The following SYNPR variants were observed in gnomAD, a reference collection of about 807,000 sequenced individuals.
SYNPR encodes synaptoporin.
Under a neutral mutation model 32.9 loss-of-function variants are expected in SYNPR, and 23 were observed. The ratio of observed to expected loss-of-function variants is 0.70; its 90% confidence interval spans 0.50 to 0.99. SYNPR has a LOEUF of 0.99. SYNPR is among the 50% of genes least tolerant of loss of function. SYNPR has a pLI of 0.00. For synonymous variants in SYNPR, 146 were observed against 135.9 expected (o/e 1.07, Z -0.52); for missense variants, 318 against 349.3 (o/e 0.91, Z 0.71).
At chr3:63,486,159 T>C (rs527355299) in intron 3 of SYNPR, among the ~76,000 whole-genome samples, 1 of 152,182 alleles carries the variant, frequency 6.6e-6, no homozygotes, top group South Asian at 2.1e-4. Context: ...TCCACCTACC[T>C]TGGCCCCCAA....
At chr3:63,220,639 C>T in the SYNPR span, among the ~76,000 whole-genome samples, 1 of 152,174 alleles carries the variant, frequency 6.6e-6, no homozygotes, top group Non-Finnish European at 1.5e-5. Flanking sequence ...TTCACTCCAG[C>T]AGATGCACTT....
intron 1 of SYNPR, among the ~76,000 whole-genome samples, chr3:63,233,154 T>C (rs62251283): frequency 0.21 from 32,413 of 152,108 alleles, 4,378 homozygotes; most frequent in Admixed American, 0.32. Context: ...CAGAGTCCCC[T>C]CAAGACCAAA....
chr3:63,326,590 C>G (rs1234925557), intron 2 of SYNPR, among the ~76,000 whole-genome samples: 1 of 152,138 alleles, frequency 6.6e-6, no homozygotes, highest in African/African-American at 2.4e-5. Context: ...TTTGTTCATT[C>G]CAGATCACTG....
intron 2 of SYNPR, among the ~76,000 whole-genome samples, chr3:63,416,626 C>T (rs1190548714): frequency 6.7e-6 from 1 of 149,440 alleles, no homozygotes; most frequent in Non-Finnish European, 1.5e-5. Flanking sequence ...AATAAAGACA[C>T]ACCCAAGACT....
At chr3:63,546,007 A>G (rs941357565) in intron 3 of SYNPR, among the ~76,000 whole-genome samples, 1 of 152,102 alleles carries the variant, frequency 6.6e-6, no homozygotes, top group African/African-American at 2.4e-5. Context: ...CTTTTTAAAA[A>G]CCAACTCTAG....
intron 2 of SYNPR, among the ~76,000 whole-genome samples, chr3:63,333,483 C>T (rs1226783201): frequency 6.6e-6 from 1 of 152,156 alleles, no homozygotes; most frequent in African/African-American, 2.4e-5. Flanking sequence ...GTGAAGTGAT[C>T]ACAGTTCACC....
intron 2 of SYNPR, among the ~76,000 whole-genome samples, chr3:63,411,833 C>T (rs1029369528): frequency 1.3e-5 from 2 of 152,090 alleles, no homozygotes; most frequent in African/African-American, 2.4e-5. Flanking sequence ...GGATTTTGAT[C>T]TTTTTCCTAA....
chr3:63,315,136 G>A (rs1466692433), intron 2 of SYNPR, among the ~76,000 whole-genome samples: 3 of 151,842 alleles, frequency 2.0e-5, no homozygotes, highest in Non-Finnish European at 2.9e-5. Context: ...TGGTGACTAC[G>A]GCCTTATAGT....
chr3:63,364,262 T>A (rs898955728), intron 2 of SYNPR, among the ~76,000 whole-genome samples: 27 of 152,196 alleles, frequency 1.8e-4, no homozygotes, highest in African/African-American at 6.5e-4. Flanking sequence ...GTGCAAGGTA[T>A]TAAGAGAGAT....
rs1312455125 is a variant in SYNPR at position 63,609,384 on chromosome 3, A to G, written c.600+68A>G. ...TGCCAGTCAAAATAATAAGAAAAAC[A>G]TCTCAGAAGTCATCTTGAAAATTGT... On this transcript the variant is annotated intron_variant, in intron 5 of 5. Transcript: ENST00000478300. The G allele has an allele frequency of 1.8e-5, 24 of 1,352,712 alleles. 1 individual carries two copies. The South Asian group carries it at 2.6e-4, about 15-fold the overall frequency. 83.8% of individuals were successfully genotyped at this position (1,352,712 alleles called of 1,614,324 possible). A position where few individuals can be genotyped will look rare whatever the true frequency, so the allele number is the denominator to read the frequency against.
intron 2 of SYNPR, among the ~76,000 whole-genome samples, chr3:63,335,633 A>G (rs142515466): frequency 3.3e-5 from 5 of 152,194 alleles, no homozygotes; most frequent in Admixed American, 1.3e-4. Flanking sequence ...CGCTTGGCAT[A>G]CAATACTCCC....
chr3:63,513,378 T>C (rs963219198), intron 3 of SYNPR, among the ~76,000 whole-genome samples: 1 of 152,076 alleles, frequency 6.6e-6, no homozygotes, highest in Non-Finnish European at 1.5e-5. Context: ...GTAACTTATA[T>C]TTTGTTCTGT....
At chr3:63,447,203 G>A (rs1292126272) in intron 2 of SYNPR, among the ~76,000 whole-genome samples, 2 of 152,108 alleles carry the variant, frequency 1.3e-5, no homozygotes, top group Non-Finnish European at 2.9e-5. Context: ...CAACCACAGT[G>A]TTCATCAAAT....
chr3:63,468,194 C>CAAAAAA (rs552378431), intron 2 of SYNPR, among the ~76,000 whole-genome samples: 5 of 80,798 alleles, frequency 6.2e-5, no homozygotes, highest in South Asian at 4.6e-4. Flanking sequence ...AACTCCATCT[C>CAAAAAA]AAAAAAAAAA....
At chr3:63,441,797 G>A (rs1005307316) in intron 2 of SYNPR, among the ~76,000 whole-genome samples, 3 of 152,190 alleles carry the variant, frequency 2.0e-5, no homozygotes, top group Non-Finnish European at 2.9e-5. Flanking sequence ...GGCAACAAGC[G>A]GATCGAAAGA....
chr3:63,519,871 C>CA (rs1351163715), intron 3 of SYNPR, among the ~76,000 whole-genome samples: 2 of 151,766 alleles, frequency 1.3e-5, no homozygotes, highest in African/African-American at 4.8e-5. Context: ...CTCTGATAAC[C>CA]AAAAAAGAAA....
At chr3:63,372,230 C>G (rs1450605726) in intron 2 of SYNPR, among the ~76,000 whole-genome samples, 1 of 152,038 alleles carries the variant, frequency 6.6e-6, no homozygotes, top group African/African-American at 2.4e-5. Context: ...TCACCATAGA[C>G]AAGAGTCCAG....
At chr3:63,452,385 G>T (rs531872107) in intron 2 of SYNPR, among the ~76,000 whole-genome samples, 111 of 152,212 alleles carry the variant, frequency 7.3e-4, no homozygotes, top group African/African-American at 2.6e-3. Context: ...TGACAGGCAC[G>T]GATCCAAGTG....
At chr3:63,303,882 C>A (rs548329195) in intron 2 of SYNPR, among the ~76,000 whole-genome samples, 2 of 152,036 alleles carry the variant, frequency 1.3e-5, no homozygotes, top group East Asian at 3.9e-4. Context: ...GCGGAATGGT[C>A]CTTTTGAGTT....
Sources: allele counts gnomAD v4.1 joint callset (sites outside exome capture counted in the v4.1 genomes callset), GRCh38; gene constraint gnomAD v4.1.1; transcripts MANE v1.5; gene names NCBI Gene and HGNC (gene_info 2026-07-23, HGNC 2026-07-21).